The following KDM5A variants were observed in gnomAD, a reference collection of about 807,000 sequenced individuals.
KDM5A encodes lysine demethylase 5A, also known as lysine-specific demethylase 5A.
A neutral mutation model predicts 193.5 loss-of-function variants in KDM5A; 42 were observed. The observed-to-expected ratio is 0.22, with a 90% confidence interval of 0.17 to 0.28. The LOEUF is 0.28. KDM5A is among the 10% of genes least tolerant of loss of function. KDM5A has a pLI of 1.00. For missense variants in KDM5A, 1,692 were observed against 2,055.1 expected (o/e 0.82, Z 3.42); for synonymous variants, 796 against 718.1 (o/e 1.11, Z -1.73).
intron 24 of KDM5A, among the ~76,000 whole-genome samples, chr12:306,233 C>T (rs1943505685): frequency 6.6e-6 from 1 of 151,810 alleles, no homozygotes; most frequent in Admixed American, 6.6e-5. Flanking sequence ...TCAGTCTCCC[C>T]TAAATTGTTA....
intron 3 of KDM5A, among the ~76,000 whole-genome samples, chr12:375,728 T>C (rs1944494486): frequency 6.6e-6 from 1 of 152,222 alleles, no homozygotes. Context: ...TCTTTGGTCT[T>C]TGATGATGGT....
intron 27 of KDM5A, 66 bp from the exon 28 acceptor site, chr12:285,728 C>T: frequency 1.4e-6 from 2 of 1,421,386 alleles, no homozygotes; most frequent in African/African-American, 1.4e-5. Context: ...AAAAGCAAAC[C>T]AAAGAGCTTT....
chr12:295,284 A>AAAG (rs879560298), intron 26 of KDM5A, among the ~76,000 whole-genome samples: 22,524 of 150,440 alleles, frequency 0.15, 1,982 homozygotes, highest in Non-Finnish European at 0.2. Context: ...AGGAAAGGAA[A>AAAG]GAAGAAAAAA....
intron 17 of KDM5A, 65 bp from the exon 18 acceptor site, chr12:321,174 CCTAGTCT>C: frequency 1.8e-6 from 2 of 1,125,310 alleles, no homozygotes; most frequent in Non-Finnish European, 2.7e-6. Flanking sequence ...CAAAAGGGCT[CCTAGTCT>C]CTTCAGAATT....
At position 323,210 on chromosome 12, in the gene KDM5A, C is replaced by CAGA; in HGVS notation, c.2151-5_2151-4insTCT. 1 of 294,574 alleles carries CAGA rather than the reference C, an allele frequency of 3.4e-6. No individual in the cohort carries two copies. 18.2% of individuals were successfully genotyped at this position (294,574 alleles called of 1,614,324 possible). ...GTCTTCTAATGGGTAGCGATATCTA[C>CAGA]AAAAAAAAAAAAAAAAAAAAAAAAA... is the stretch of plus-strand genomic sequence containing the variant. On this transcript the variant is annotated splice_polypyrimidine_tract_variant and splice_region_variant and intron_variant, in intron 15 of 27. Transcript: ENST00000399788.
chr12:372,078 G>A (rs1185922485), intron 3 of KDM5A, among the ~76,000 whole-genome samples: 1 of 152,202 alleles, frequency 6.6e-6, no homozygotes, highest in African/African-American at 2.4e-5. Context: ...ACTTGGCAAT[G>A]TGGGCTCTTT....
chr12:355,309 C>T (rs1944218651), intron 6 of KDM5A, 60 bp from the exon 7 acceptor site: 1 of 886,744 alleles, frequency 1.1e-6, no homozygotes, highest in Non-Finnish European at 1.9e-6. Flanking sequence ...TACTATGGAC[C>T]AGACACTATT....
At chr12:320,039 G>A (rs940107512) in intron 18 of KDM5A, among the ~76,000 whole-genome samples, 1 of 152,174 alleles carries the variant, frequency 6.6e-6, no homozygotes, top group African/African-American at 2.4e-5. Context: ...CGTAAGAGAA[G>A]AAGAACTGCC....
Position 281,572 on chromosome 12 carries a change from G to C in KDM5A, c.*3884C>G. 1 of 233,176 alleles carries C rather than the reference G, an allele frequency of 4.3e-6. No homozygotes were observed. The highest frequency in any genetic ancestry group is 2.2e-5 in the African/African-American group (1 of 45,452). The allele number at this position is 233,176 out of a possible 1,614,324, so 14.4% of individuals were successfully genotyped here. Reference sequence around the variant, plus strand: ...GAGGAATTTCAAAAGGAGTACTTAAGGACCTGCTATAAAAGCAACCTTCTA... The same window carrying C: ...GAGGAATTTCAAAAGGAGTACTTAACGACCTGCTATAAAAGCAACCTTCTA... On this transcript the variant is annotated 3_prime_UTR_variant, in exon 28 of 28. Transcript: ENST00000399788.
intron 26 of KDM5A, among the ~76,000 whole-genome samples, chr12:294,487 CTT>C (rs1943344329): frequency 6.6e-6 from 1 of 152,194 alleles, no homozygotes; most frequent in African/African-American, 2.4e-5. Flanking sequence ...TATTTAACCT[CTT>C]AATACTTTGT....
intron 4 of KDM5A, 106 bp from the exon 5 acceptor site, chr12:363,203 G>T (rs11062609): frequency 1.6e-6 from 2 of 1,286,872 alleles, no homozygotes; most frequent in Non-Finnish European, 2.2e-6. Flanking sequence ...AAACTAGACC[G>T]CAATTATTTC....
chr12:352,188 A>C lies in KDM5A; in HGVS notation c.1149+17T>G, dbSNP rs1312150009. 6.2e-7 allele frequency: 1 copy of C among 1,611,658 alleles called. No individual in the cohort carries two copies. Among genetic ancestry groups the C allele is most frequent in the Non-Finnish European group, 8.5e-7 (1 of 1,177,942 alleles). Reference sequence around the variant, plus strand: ...CTTTGTACCTCCCCGGACCGACCTAAAAGATAGCTTACTCACATGGACTGG... The same window carrying C: ...CTTTGTACCTCCCCGGACCGACCTACAAGATAGCTTACTCACATGGACTGG... On this transcript the variant is annotated intron_variant, in intron 9 of 27. Coordinates refer to ENST00000399788, the MANE Select transcript of KDM5A (RefSeq NM_001042603.3).
At chr12:312,831 A>G (rs970602150) in intron 20 of KDM5A, among the ~76,000 whole-genome samples, 2 of 152,174 alleles carry the variant, frequency 1.3e-5, no homozygotes, top group Non-Finnish European at 2.9e-5. Flanking sequence ...ATGTCATACC[A>G]CATATTGCTA....
At chr12:308,367 C>T (rs549392415) in intron 22 of KDM5A, among the ~76,000 whole-genome samples, 8 of 152,200 alleles carry the variant, frequency 5.3e-5, no homozygotes, top group East Asian at 1.9e-4. Flanking sequence ...TACTACCAAC[C>T]GTATTTTGCT....
At chr12:333,461 C>T in intron 12 of KDM5A, 26 bp downstream of exon 12, 1 of 1,613,144 alleles carries the variant, frequency 6.2e-7, no homozygotes, top group Non-Finnish European at 8.5e-7. Context: ...AAACAAACAA[C>T]TGAAGGAAGA....
intron 12 of KDM5A, chr12:333,216 C>G (rs1025090239): frequency 4.4e-6 from 2 of 450,374 alleles, no homozygotes; most frequent in Non-Finnish European, 8.2e-6. Flanking sequence ...CTCAGGAGTT[C>G]GAGACCAACC....
intron 10 of KDM5A, among the ~76,000 whole-genome samples, chr12:340,894 A>G (rs1032228068): frequency 6.6e-5 from 10 of 152,160 alleles, no homozygotes; most frequent in African/African-American, 2.4e-4. Flanking sequence ...AGCTGCTCCT[A>G]TCTAACAAAC....
At chr12:329,333 C>A (rs1305206412) in intron 13 of KDM5A, among the ~76,000 whole-genome samples, 1 of 152,044 alleles carries the variant, frequency 6.6e-6, no homozygotes, top group Non-Finnish European at 1.5e-5. Flanking sequence ...AGGCAGCAAA[C>A]TCTTTTAGAC....
At chr12:376,773 T>G (rs982643151) in intron 3 of KDM5A, among the ~76,000 whole-genome samples, 1 of 151,796 alleles carries the variant, frequency 6.6e-6, no homozygotes, top group Admixed American at 6.6e-5. Context: ...ACTTAAAAGC[T>G]CCCTCTAAAA....
Sources: gnomAD v4.1 joint callset for allele counts (sites outside exome capture counted in the v4.1 genomes callset) on GRCh38, gnomAD v4.1.1 for gene constraint, MANE v1.5 for transcripts, NCBI Gene and HGNC (gene_info 2026-07-23, HGNC 2026-07-21) for gene names.